The following LASP1 variants were observed in gnomAD, a reference collection of about 807,000 sequenced individuals.
LASP1 encodes LIM and SH3 protein 1, also known as LIM and SH3 domain protein 1.
Under a neutral mutation model 38.6 loss-of-function variants are expected in LASP1, and 10 were observed. The ratio of observed to expected loss-of-function variants is 0.26; its 90% CI spans 0.16 to 0.44. LASP1 has a LOEUF of 0.44. LASP1 is among the 20% of genes least tolerant of loss of function. LASP1 has a pLI of 1.00. For missense variants in LASP1, 243 were observed against 375.7 expected (o/e 0.65, Z 2.92); for synonymous variants, 132 against 140.8 (o/e 0.94, Z 0.44).
Position 38,914,455 on chromosome 17 carries a change from A to T in LASP1, c.488A>T (p.His163Leu). 1 of 1,608,686 alleles carries T rather than the reference A, an allele frequency of 6.2e-7. No homozygotes were observed. The highest frequency in any genetic ancestry group is 8.5e-7 in the Non-Finnish European group (1 of 1,178,360). ...RRPLEQQQPH[H>L]IPTSAPVYQQ... ...CCCCTGGAGCAGCAGCAGCCTCACCACATCCCGACCAGTGCCCCGGGTGAG... is the reference window on the plus strand; with the variant it reads ...CCCCTGGAGCAGCAGCAGCCTCACCTCATCCCGACCAGTGCCCCGGGTGAG... Residue 163 changes from histidine (H) to leucine (L), a missense_variant, in exon 5 of 7, where the codon CAC becomes CTC. Physicochemically the swap from His to Leu is moderately conservative, Grantham distance 99. Around this residue, in one of 4 missense-constraint regions of LASP1, gnomAD observed 165 missense variants for 210.3 expected, o/e 0.78. Coordinates refer to ENST00000318008, the MANE Select transcript of LASP1 (RefSeq NM_006148.4).
At chr17:38,872,398 G>T (rs778538584) in intron 1 of LASP1, among the ~76,000 whole-genome samples, 1 of 152,204 alleles carries the variant, frequency 6.6e-6, no homozygotes, top group African/African-American at 2.4e-5. Context: ...GGAAGAGGAC[G>T]TTCAAGTGGG....
At chr17:38,882,858 C>T (rs983473993) in intron 2 of LASP1, among the ~76,000 whole-genome samples, 1 of 152,080 alleles carries the variant, frequency 6.6e-6, no homozygotes, top group Non-Finnish European at 1.5e-5. Flanking sequence ...AATTGGGGGA[C>T]TTGGTTGCAC....
intron 3 of LASP1, among the ~76,000 whole-genome samples, chr17:38,894,294 T>C (rs943616992): frequency 3.3e-5 from 5 of 152,192 alleles, no homozygotes; most frequent in African/African-American, 9.7e-5. Context: ...TTCCATTTTT[T>C]CCTTCATCAA....
chr17:38,911,015 G>A (rs934179768), intron 4 of LASP1, among the ~76,000 whole-genome samples: 4 of 152,128 alleles, frequency 2.6e-5, no homozygotes, highest in East Asian at 1.9e-4. Context: ...GAGTCACCGC[G>A]CCCGGCCAGG....
chr17:38,888,066 T>A (rs1243414635), intron 2 of LASP1, among the ~76,000 whole-genome samples: 1 of 152,098 alleles, frequency 6.6e-6, no homozygotes, highest in East Asian at 1.9e-4. Flanking sequence ...AAAAATGGCC[T>A]GACGGGCTCC....
chr17:38,920,172 G>A lies in LASP1; in HGVS notation c.*1394G>A. On this transcript the variant is annotated 3_prime_UTR_variant, in exon 7 of 7. Coordinates refer to ENST00000318008, the MANE Select transcript of LASP1 (RefSeq NM_006148.4). ...GCTGCCATAGGGTCTGCAGCCTGCT[G>A]GGGCTAAGCGGTGGAGGAAGGCTCT... 1.9e-6 allele frequency: 1 copy of A among 525,250 alleles called. No homozygotes were observed. The highest frequency in any genetic ancestry group is 2.9e-4 in the Middle Eastern group (1 of 3,500). The allele number at this position is 525,250 out of a possible 1,614,324, so 32.5% of individuals were successfully genotyped here.
At chr17:38,881,100 C>G (rs1433358212) in intron 2 of LASP1, among the ~76,000 whole-genome samples, 1 of 151,740 alleles carries the variant, frequency 6.6e-6, no homozygotes, top group African/African-American at 2.4e-5. Flanking sequence ...GACTCCATCT[C>G]AAAACAAACA....
Position 38,921,489 on chromosome 17 carries a change from C to A in LASP1, c.*2711C>A, listed in dbSNP as rs1436502410. 1 of 232,512 alleles carries A rather than the reference C, an allele frequency of 4.3e-6. No homozygotes were observed. The highest frequency in any genetic ancestry group is 2.2e-5 in the African/African-American group (1 of 45,252). The allele number at this position is 232,512 out of a possible 1,614,324, so 14.4% of individuals were successfully genotyped here. On this transcript the variant is annotated 3_prime_UTR_variant, in exon 7 of 7. Coordinates refer to ENST00000318008, the MANE Select transcript of LASP1 (RefSeq NM_006148.4). ...CTGGAAAAAACAAAATACCACCCTA[C>A]AAACCTGTATTTAAAAAGAAACAGA...
At chr17:38,884,680 C>A (rs947605226) in intron 2 of LASP1, among the ~76,000 whole-genome samples, 2 of 145,246 alleles carry the variant, frequency 1.4e-5, no homozygotes, top group East Asian at 3.9e-4. Flanking sequence ...TGAGCCACCA[C>A]GTCCGGCTTT....
chr17:38,884,263 T>C (rs1021108721), intron 2 of LASP1, among the ~76,000 whole-genome samples: 1 of 151,742 alleles, frequency 6.6e-6, no homozygotes. Flanking sequence ...CCCTGTCACC[T>C]GTGAGCCCGG....
intron 1 of LASP1, among the ~76,000 whole-genome samples, chr17:38,877,450 G>C (rs1014681195): frequency 5.3e-5 from 8 of 152,296 alleles, no homozygotes; most frequent in Non-Finnish European, 5.9e-5. Context: ...GGGAAGGGTA[G>C]AAAGGATGTG....
intron 4 of LASP1, among the ~76,000 whole-genome samples, chr17:38,899,747 C>CTTTTTTTT (rs34397105): frequency 2.9e-5 from 4 of 136,130 alleles, no homozygotes; most frequent in African/African-American, 2.7e-5. Context: ...GCGTTCAGAT[C>CTTTTTTTT]TTTTTTTTTT....
chr17:38,885,224 G>T (rs941446761), intron 2 of LASP1, among the ~76,000 whole-genome samples: 1 of 152,158 alleles, frequency 6.6e-6, no homozygotes, highest in Non-Finnish European at 1.5e-5. Context: ...AGAATGCCTT[G>T]GGCAAGGTCT....
chr17:38,896,355 A>G (rs1914491421), intron 3 of LASP1, among the ~76,000 whole-genome samples: 1 of 152,186 alleles, frequency 6.6e-6, no homozygotes, highest in East Asian at 1.9e-4. Context: ...ACTTGCTTAG[A>G]AACACACAGC....
At position 38,911,013 on chromosome 17, in the gene LASP1, G is replaced by A. The variant is rs549731328; in HGVS notation, c.358-3312G>A. Among the ~76,000 whole-genome samples, 13 of 152,254 alleles carry A rather than the reference G, an allele frequency of 8.5e-5. No individual in the cohort carries two copies. In the East Asian group the frequency reaches 9.6e-4, roughly 11 times the overall value. On this transcript the variant is annotated intron_variant, in intron 4 of 6. Coordinates refer to ENST00000318008, the MANE Select transcript of LASP1 (RefSeq NM_006148.4). Reference sequence around the variant, plus strand: ...GCTGGGATTACAGGCGTGAGTCACCGCGCCCGGCCAGGAGACCACATGTTA... The same window carrying A: ...GCTGGGATTACAGGCGTGAGTCACCACGCCCGGCCAGGAGACCACATGTTA...
intron 3 of LASP1, among the ~76,000 whole-genome samples, chr17:38,895,438 A>C (rs1288461061): frequency 6.6e-6 from 1 of 151,814 alleles, no homozygotes; most frequent in Non-Finnish European, 1.5e-5. Flanking sequence ...CTCCTGCCTC[A>C]GCCTCCCAAG....
chr17:38,888,177 G>T (rs927619823), intron 2 of LASP1, among the ~76,000 whole-genome samples: 3 of 152,136 alleles, frequency 2.0e-5, no homozygotes, highest in Non-Finnish European at 4.4e-5. Flanking sequence ...ACATGGCTCA[G>T]AGCTGCCTGT....
chr17:38,917,085 A>G (rs1032982397), intron 6 of LASP1, among the ~76,000 whole-genome samples: 7 of 152,144 alleles, frequency 4.6e-5, no homozygotes, highest in African/African-American at 1.7e-4. Context: ...GTGACCTGTG[A>G]TCTGTGCAGA....
Position 38,919,569 on chromosome 17 carries a change from C to T in LASP1, c.*791C>T, listed in dbSNP as rs570834064. ...CGCAGCCCCTTTCCCCACGCCCACC[C>T]CCAGTCTCCAGGGACCCTTGCCTGC... On this transcript the variant is annotated 3_prime_UTR_variant, in exon 7 of 7. Coordinates refer to ENST00000318008, the MANE Select transcript of LASP1 (RefSeq NM_006148.4). 1.4e-4 allele frequency: 34 copies of T among 249,058 alleles called. No homozygotes were observed. The South Asian group carries it at 2.7e-3, about 20-fold the overall frequency. 15.4% of individuals were successfully genotyped at this position (249,058 alleles called of 1,614,324 possible).
Sources: gnomAD v4.1 joint callset for allele counts (sites outside exome capture counted in the v4.1 genomes callset) on GRCh38, gnomAD v4.1.1 for gene constraint, gnomAD v4.1.1 regional missense constraint, MANE v1.5 for transcripts, NCBI Gene and HGNC (gene_info 2026-07-23, HGNC 2026-07-21) for gene names.